The following MPPED1 variants were observed in gnomAD, a reference collection of about 807,000 sequenced individuals.
The protein encoded by MPPED1 is metallophosphoesterase domain containing 1, also known as metallophosphoesterase domain-containing protein 1.
In MPPED1, 16 loss-of-function variants were observed where a neutral mutation model predicts 36.2. That is an observed-to-expected ratio of 0.44 (90% CI 0.30 to 0.67). MPPED1 has a LOEUF of 0.67. Ranked by LOEUF, MPPED1 falls within the 30% of genes least tolerant of loss-of-function variation. MPPED1 has a pLI of 0.10. For synonymous variants in MPPED1, 199 were observed against 191.3 expected (o/e 1.04, Z -0.33); for missense variants, 307 against 453.4 (o/e 0.68, Z 2.93).
chr22:43,423,051 G>A (rs1929331777), intron 1 of MPPED1, among the ~76,000 whole-genome samples: 3 of 152,116 alleles, frequency 2.0e-5, no homozygotes, highest in African/African-American at 4.8e-5. Context: ...TGGCCAGGCT[G>A]GTCTCAAACT....
chr22:43,456,564 G>A (rs1468402915), intron 3 of MPPED1, among the ~76,000 whole-genome samples: 1 of 152,116 alleles, frequency 6.6e-6, no homozygotes, highest in Non-Finnish European at 1.5e-5. Flanking sequence ...GTGCAATTTT[G>A]GCTAACTGCA....
intron 1 of MPPED1, among the ~76,000 whole-genome samples, chr22:43,421,434 A>G (rs1730182780): frequency 1.3e-5 from 2 of 152,230 alleles, no homozygotes; most frequent in Non-Finnish European, 2.9e-5. Context: ...CCTTTGGTGC[A>G]GAGCGGTTCT....
At chr22:43,435,389 A>G (rs914774307) in intron 3 of MPPED1, among the ~76,000 whole-genome samples, 174 bp downstream of exon 3, 4 of 150,728 alleles carry the variant, frequency 2.7e-5, no homozygotes, top group Non-Finnish European at 2.9e-5. Flanking sequence ...TTTCTCTCCC[A>G]TCCACCTTGG....
At chr22:43,485,307 C>T (rs928113760) in intron 4 of MPPED1, among the ~76,000 whole-genome samples, 1 of 152,046 alleles carries the variant, frequency 6.6e-6, no homozygotes, top group Admixed American at 6.6e-5. Context: ...TCCACAACCA[C>T]ACACATATTC....
intron 3 of MPPED1, among the ~76,000 whole-genome samples, chr22:43,470,219 T>C (rs1004065223): frequency 6.6e-6 from 1 of 151,684 alleles, no homozygotes; most frequent in Non-Finnish European, 1.5e-5. Context: ...CATCCATCCA[T>C]GTATGCATCT....
intron 3 of MPPED1, among the ~76,000 whole-genome samples, chr22:43,469,500 A>C (rs75000826): frequency 0.034 from 5,200 of 152,302 alleles, 283 homozygotes; most frequent in African/African-American, 0.12. Flanking sequence ...GGAACACTGG[A>C]AAACTAATGC....
rs775465001 is a variant in MPPED1, at chr22:43,425,197, C to A, written c.212C>A (p.Pro71Gln). Residue 71 changes from proline to glutamine, a missense_variant, in exon 2 of 7, where the codon CCG becomes CAG. Coordinates refer to ENST00000443721, the MANE Select transcript of MPPED1 (RefSeq NM_001044370.2). ...ATCAACCAGGGCCGCTTCCAGCCAC[C>A]GCATGTGCAGATGTAAGTGGGACCG... ...YNINQGRFQPPHVQMVDPVPH... is the reference protein window; with the variant it reads ...YNINQGRFQPQHVQMVDPVPH... 1.8e-5 allele frequency: 26 copies of A among 1,446,722 alleles called. No homozygotes were observed. Among genetic ancestry groups the A allele is most frequent in the African/African-American group, 2.9e-5 (2 of 68,940 alleles). 89.6% of individuals were successfully genotyped at this position (1,446,722 alleles called of 1,614,324 possible). A position where few individuals can be genotyped will look rare whatever the true frequency, so the allele number is the denominator to read the frequency against.
intron 3 of MPPED1, among the ~76,000 whole-genome samples, chr22:43,450,307 C>A (rs1305695729): frequency 6.6e-6 from 1 of 152,246 alleles, no homozygotes; most frequent in African/African-American, 2.4e-5. Context: ...CACATGCCTG[C>A]TGGGCAGCCC....
chr22:43,456,907 A>G (rs548846536), intron 3 of MPPED1, among the ~76,000 whole-genome samples: 6 of 152,226 alleles, frequency 3.9e-5, no homozygotes, highest in African/African-American at 7.2e-5. Context: ...GGTATATTAC[A>G]TTAATTGTAT....
intron 4 of MPPED1, among the ~76,000 whole-genome samples, chr22:43,495,545 G>T (rs776021503): frequency 7.7e-6 from 1 of 129,314 alleles, no homozygotes; most frequent in Non-Finnish European, 1.7e-5. Flanking sequence ...GGAGATGGTG[G>T]TGGTGGAGAT....
intron 3 of MPPED1, among the ~76,000 whole-genome samples, chr22:43,464,289 CTCTGTGTGTG>C (rs1569179846): frequency 9.5e-6 from 1 of 105,100 alleles, no homozygotes; most frequent in African/African-American, 4.4e-5. Flanking sequence ...TGTTGGTCAG[CTCTGTGTGTG>C]TGTGTGTGTG....
chr22:43,483,748 TA>T (rs1425548543), intron 4 of MPPED1, among the ~76,000 whole-genome samples: 1 of 152,146 alleles, frequency 6.6e-6, no homozygotes, highest in Non-Finnish European at 1.5e-5. Context: ...GTGGCTGGCT[TA>T]GGGGGTGTAG....
chr22:43,465,630 G>C (rs1037230638), intron 3 of MPPED1, among the ~76,000 whole-genome samples: 3 of 152,234 alleles, frequency 2.0e-5, no homozygotes, highest in Non-Finnish European at 2.9e-5. Flanking sequence ...CTGGGTGCTT[G>C]TTGGGGGGCA....
chr22:43,447,820 T>TTTTTATATAAATATAAAAATA (rs1175205986), intron 3 of MPPED1, among the ~76,000 whole-genome samples: 1 of 141,652 alleles, frequency 7.1e-6, no homozygotes, highest in Non-Finnish European at 1.5e-5. Flanking sequence ...TATATTTATA[T>TTTTTATATAAATATAAAAATA]TTTTATATAA....
At chr22:43,473,259 T>C (rs939744231) in intron 3 of MPPED1, among the ~76,000 whole-genome samples, 1 of 151,930 alleles carries the variant, frequency 6.6e-6, no homozygotes, top group Admixed American at 6.6e-5. Flanking sequence ...GTGAAGGGGG[T>C]GTCAGGGGCT....
intron 4 of MPPED1, among the ~76,000 whole-genome samples, chr22:43,491,625 G>T (rs1283509021): frequency 6.7e-6 from 1 of 149,738 alleles, no homozygotes; most frequent in Admixed American, 6.7e-5. Context: ...GGAGGTGGTG[G>T]TGATGGTGAT....
intron 4 of MPPED1, among the ~76,000 whole-genome samples, chr22:43,475,561 G>A: frequency 1.4e-5 from 2 of 145,276 alleles, no homozygotes; most frequent in Non-Finnish European, 3.0e-5. Flanking sequence ...TGATGGTGGT[G>A]ATGATGATGG....
chr22:43,470,067 T>C (rs777353776), intron 3 of MPPED1, among the ~76,000 whole-genome samples: 2 of 143,484 alleles, frequency 1.4e-5, no homozygotes, highest in Non-Finnish European at 3.1e-5. Context: ...CATATATAAA[T>C]CATCCATCCA....
chr22:43,472,896 G>T (rs997048550), intron 3 of MPPED1, among the ~76,000 whole-genome samples: 3 of 152,210 alleles, frequency 2.0e-5, no homozygotes, highest in Non-Finnish European at 4.4e-5. Flanking sequence ...AATAATGGCT[G>T]TAGTTATAGG....
Sources: allele counts gnomAD v4.1 joint callset (sites outside exome capture counted in the v4.1 genomes callset), GRCh38; gene constraint gnomAD v4.1.1; transcripts MANE v1.5; gene names NCBI Gene and HGNC (gene_info 2026-07-23, HGNC 2026-07-21).